Variants in TMCO4 observed in about 807,000 individuals in gnomAD.
The protein encoded by TMCO4 is transmembrane and coiled-coil domain-containing protein 4.
TMCO4 carries 58 observed loss-of-function variants against 64.7 expected under a neutral mutation model. The ratio of observed to expected loss-of-function variants is 0.90; its 90% CI spans 0.73 to 1.12. TMCO4 has a LOEUF of 1.12. Among genes scored for constraint, TMCO4 ranks in the 50% most tolerant of loss-of-function variants. The pLI, the probability that TMCO4 is intolerant of heterozygous loss-of-function variation, is 0.00. For synonymous variants in TMCO4, 325 were observed against 346.1 expected (o/e 0.94, Z 0.68); for missense variants, 780 against 825.9 (o/e 0.94, Z 0.68).
Position 19,789,068 on chromosome 1 carries a change from C to G in TMCO4, c.-100-1951G>C, listed in dbSNP as rs185818076. On this transcript the variant is annotated intron_variant, in intron 2 of 15. Transcript: ENST00000294543. ...CCAGCCTGGGCGACAGAGTGAGACT[C>G]TGTCTCACAAAAAAAAAAAAATTAA... Among the ~76,000 whole-genome samples the G allele has an allele frequency of 5.3e-3, 790 of 148,312 alleles. 25 individuals are homozygous for G. The highest frequency in any genetic ancestry group is 0.048 in the Admixed American group (714 of 14,824).
At chr1:19,765,117 T>C (rs2042677142) in intron 6 of TMCO4, among the ~76,000 whole-genome samples, 1 of 152,148 alleles carries the variant, frequency 6.6e-6, no homozygotes, top group Admixed American at 6.5e-5. Context: ...GCAAAAATCA[T>C]GACGCAGTTT....
At chr1:19,757,505 A>C (rs1427373219) in intron 6 of TMCO4, among the ~76,000 whole-genome samples, 1 of 152,164 alleles carries the variant, frequency 6.6e-6, no homozygotes, top group African/African-American at 2.4e-5. Context: ...TCACACCTGC[A>C]AAGTCCCTTT....
At chr1:19,707,692 C>T (rs574642208) in intron 13 of TMCO4, among the ~76,000 whole-genome samples, 12 of 152,270 alleles carry the variant, frequency 7.9e-5, no homozygotes, top group Non-Finnish European at 1.6e-4. Flanking sequence ...CACGCCTAGC[C>T]TTCTCGGTTG....
At chr1:19,783,384 ACCACACT>A (rs2043582252) in intron 3 of TMCO4, among the ~76,000 whole-genome samples, 1 of 152,194 alleles carries the variant, frequency 6.6e-6, no homozygotes. Flanking sequence ...TAGTCTAATA[ACCACACT>A]CCAAACAGTT....
chr1:19,748,256 G>A (rs1007370284), intron 7 of TMCO4, among the ~76,000 whole-genome samples: 2 of 152,212 alleles, frequency 1.3e-5, no homozygotes, highest in East Asian at 1.9e-4. Flanking sequence ...ATGTCATCAC[G>A]ATGCTGCATC....
intron 3 of TMCO4, among the ~76,000 whole-genome samples, chr1:19,785,462 T>C (rs1221494748): frequency 1.3e-5 from 2 of 152,226 alleles, no homozygotes; most frequent in African/African-American, 2.4e-5. Flanking sequence ...CCGAGCTTTC[T>C]GGACAGGACC....
chr1:19,714,358 CT>C (rs1319610244), intron 13 of TMCO4, among the ~76,000 whole-genome samples: 1 of 152,096 alleles, frequency 6.6e-6, no homozygotes, highest in Non-Finnish European at 1.5e-5. Flanking sequence ...TCTCCGTATT[CT>C]TTTTTTCAAT....
intron 14 of TMCO4, among the ~76,000 whole-genome samples, chr1:19,700,031 C>T (rs963522995): frequency 1.3e-5 from 2 of 152,154 alleles, no homozygotes; most frequent in East Asian, 1.9e-4. Flanking sequence ...TCTGAAAACA[C>T]GTTTGCTTCA....
At position 19,720,271 on chromosome 1, in the gene TMCO4, G is replaced by A. The variant is rs550574976; in HGVS notation, c.1264+17101C>T. 8.5e-5 allele frequency among the ~76,000 whole-genome samples: 13 copies of A among 152,198 alleles called. 1 individual carries two copies. In the South Asian group the frequency reaches 2.5e-3, roughly 29 times the overall value. On this transcript the variant is annotated intron_variant, in intron 13 of 15. Coordinates refer to ENST00000294543, the MANE Select transcript of TMCO4 (RefSeq NM_181719.7). The stretch of plus-strand genomic sequence containing the variant: ...TCCCGCCTCGGCCTTCCAAAGTGCC[G>A]GGATTACATGTGTGAGCCACCACAC...
At chr1:19,733,547 G>A (rs1339734580) in intron 13 of TMCO4, among the ~76,000 whole-genome samples, 1 of 152,228 alleles carries the variant, frequency 6.6e-6, no homozygotes, top group Non-Finnish European at 1.5e-5. Context: ...CCTTCACCCT[G>A]TGCGTGGGCT....
At chr1:19,784,280 T>C (rs529598603) in intron 3 of TMCO4, among the ~76,000 whole-genome samples, 33 of 152,294 alleles carry the variant, frequency 2.2e-4, no homozygotes, top group African/African-American at 7.0e-4. Flanking sequence ...ACGCCTGTAA[T>C]CCCAGCACTT....
chr1:19,791,930 G>C (rs544080073), intron 2 of TMCO4, among the ~76,000 whole-genome samples: 4 of 152,182 alleles, frequency 2.6e-5, no homozygotes, highest in Non-Finnish European at 4.4e-5. Context: ...GACTTGGTGG[G>C]AGGTAACTGA....
intron 6 of TMCO4, among the ~76,000 whole-genome samples, chr1:19,763,779 T>C (rs1260865039): frequency 6.6e-6 from 1 of 152,182 alleles, no homozygotes; most frequent in African/African-American, 2.4e-5. Context: ...TTATTTCCCA[T>C]ATAAAGAAGA....
intron 15 of TMCO4, among the ~76,000 whole-genome samples, chr1:19,686,526 C>T (rs2095150687): frequency 6.6e-6 from 1 of 152,204 alleles, no homozygotes; most frequent in Non-Finnish European, 1.5e-5. Flanking sequence ...ATTTTCTCAC[C>T]ACTAGAATCT....
At chr1:19,684,456 G>C (rs1281028849) in intron 15 of TMCO4, among the ~76,000 whole-genome samples, 3 of 152,064 alleles carry the variant, frequency 2.0e-5, no homozygotes, top group Non-Finnish European at 2.9e-5. Flanking sequence ...ACTCCAGAAG[G>C]GCTCTGCTGT....
intron 13 of TMCO4, among the ~76,000 whole-genome samples, chr1:19,736,339 G>A (rs917759444): frequency 1.2e-4 from 19 of 152,070 alleles, no homozygotes; most frequent in Admixed American, 2.6e-4. Flanking sequence ...ACCTCCCACC[G>A]GGTCCCTCCC....
chr1:19,749,547 T>C (rs1413746899), intron 7 of TMCO4, among the ~76,000 whole-genome samples: 1 of 152,098 alleles, frequency 6.6e-6, no homozygotes, highest in Non-Finnish European at 1.5e-5. Context: ...TTTGTACTTT[T>C]TGTAGACATG....
intron 3 of TMCO4, among the ~76,000 whole-genome samples, 196 bp downstream of exon 3, chr1:19,786,830 G>A (rs2043768614): frequency 6.6e-6 from 1 of 152,088 alleles, no homozygotes; most frequent in Non-Finnish European, 1.5e-5. Flanking sequence ...AATGAATATT[G>A]ACCTCTTAAC....
intron 2 of TMCO4, among the ~76,000 whole-genome samples, chr1:19,796,143 C>T (rs1037853776): frequency 2.0e-5 from 3 of 152,194 alleles, no homozygotes; most frequent in African/African-American, 7.2e-5. Context: ...TCCCAACAAC[C>T]TTATGAAGAA....
Sources: gnomAD v4.1 joint callset for allele counts (sites outside exome capture counted in the v4.1 genomes callset) on GRCh38, gnomAD v4.1.1 for gene constraint, MANE v1.5 for transcripts, NCBI Gene and HGNC (gene_info 2026-07-23, HGNC 2026-07-21) for gene names.